TBPL2: variants seen among roughly 807,000 people sequenced by gnomAD.
TBPL2 encodes the protein TATA box-binding protein-like 2.
Under a neutral mutation model 38.2 loss-of-function variants are expected in TBPL2, and 40 were observed. The ratio of observed to expected loss-of-function variants is 1.05; its 90% CI spans 0.81 to 1.36. The LOEUF is 1.36. Among genes scored for constraint, TBPL2 ranks in the 40% most tolerant of loss-of-function variants. The probability of loss-of-function intolerance (pLI) is 0.00; values close to 1 mark genes in which losing one functional copy is unlikely to be tolerated. For missense variants in TBPL2, 461 were observed against 456.7 expected, an observed-to-expected ratio of 1.01 and a Z score of -0.09; for synonymous variants, 169 against 171.7, an observed-to-expected ratio of 0.98 and a Z score of 0.12.
At chr14:55,438,257 T>C (rs183326885) in intron 1 of TBPL2, among the ~76,000 whole-genome samples, 79 of 152,358 alleles carry the variant, frequency 5.2e-4, no homozygotes, top group Non-Finnish European at 1.0e-3. Flanking sequence ...TGGAGTGTTC[T>C]GTTACTACAA....
intron 5 of TBPL2, among the ~76,000 whole-genome samples, chr14:55,426,668 G>C (rs540610951): frequency 6.6e-6 from 1 of 151,196 alleles, no homozygotes; most frequent in Middle Eastern, 3.4e-3. Flanking sequence ...AATGAGACTA[G>C]AAATAGAAAG....
intron 6 of TBPL2, 84 bp from the exon 7 acceptor site, chr14:55,414,539 C>A: frequency 1.0e-6 from 1 of 991,022 alleles, no homozygotes; most frequent in South Asian, 1.7e-5. Context: ...TGTATTGTCT[C>A]CAATTACTTT....
At chr14:55,422,442 G>A (rs1441992660) in intron 6 of TBPL2, among the ~76,000 whole-genome samples, 1 of 152,108 alleles carries the variant, frequency 6.6e-6, no homozygotes, top group Non-Finnish European at 1.5e-5. Context: ...GTAGAGACAG[G>A]GTTTCACCAT....
At chr14:55,417,035 G>A (rs540592278) in intron 6 of TBPL2, among the ~76,000 whole-genome samples, 1 of 152,290 alleles carries the variant, frequency 6.6e-6, no homozygotes, top group South Asian at 2.1e-4. Context: ...ATACCATCTG[G>A]AGGCCCCTGG....
At chr14:55,424,200 A>G in exon 6 of TBPL2, 3 of 1,613,576 alleles carry the variant, frequency 1.9e-6, no homozygotes, top group Non-Finnish European at 2.5e-6. Context: ...AAGCAACACA[A>G]TTCGTGGTTT....
At chr14:55,422,810 G>A (rs570503417) in intron 6 of TBPL2, among the ~76,000 whole-genome samples, 6 of 152,166 alleles carry the variant, frequency 3.9e-5, no homozygotes, top group South Asian at 2.1e-4. Context: ...CTGAGATCGC[G>A]CCGCCATAGT....
intron 4 of TBPL2, among the ~76,000 whole-genome samples, chr14:55,430,573 T>C (rs910625737): frequency 6.6e-6 from 1 of 151,978 alleles, no homozygotes. Context: ...CTGCCTAAAT[T>C]TTTATAGAGA....
chr14:55,414,412 G>A, exon 7 of TBPL2: 2 of 1,609,118 alleles, frequency 1.2e-6, no homozygotes, highest in Non-Finnish European at 1.7e-6. Context: ...GAATAGGATA[G>A]ATGTTTTCAA....
At chr14:55,428,480 G>C (rs962452738) in intron 5 of TBPL2, among the ~76,000 whole-genome samples, 4 of 152,130 alleles carry the variant, frequency 2.6e-5, no homozygotes, top group Admixed American at 6.5e-5. Context: ...GTGGGCCTCT[G>C]ACCAGTAGCA....
At chr14:55,424,354 T>C in intron 5 of TBPL2, 101 bp from the exon 6 acceptor site, 2 of 687,440 alleles carry the variant, frequency 2.9e-6, no homozygotes, top group East Asian at 5.2e-5. Flanking sequence ...AAAGCAGTTG[T>C]AAATAAGTTA....
intron 5 of TBPL2, 22 bp downstream of exon 5, chr14:55,428,785 T>C (rs762290848): frequency 6.3e-7 from 1 of 1,599,332 alleles, no homozygotes. Context: ...AATTCAAAGT[T>C]CAAGCTATAT....
chr14:55,429,318 T>C (rs910913637), intron 4 of TBPL2, among the ~76,000 whole-genome samples: 1 of 152,238 alleles, frequency 6.6e-6, no homozygotes, highest in South Asian at 2.1e-4. Flanking sequence ...TGGGAACTTG[T>C]TAGAAATGCA....
intron 4 of TBPL2, among the ~76,000 whole-genome samples, chr14:55,429,349 G>C (rs188530783): frequency 1.3e-5 from 2 of 152,320 alleles, no homozygotes; most frequent in Admixed American, 6.5e-5. Context: ...TTCCACCTCA[G>C]ACATGCAGAA....
At chr14:55,432,531 A>G (rs1464688799) in intron 4 of TBPL2, among the ~76,000 whole-genome samples, 1 of 94,988 alleles carries the variant, frequency 1.1e-5, no homozygotes, top group Non-Finnish European at 1.8e-5. Flanking sequence ...ACAAAACAAA[A>G]ACAAAAGATA....
chr14:55,421,242 A>C (rs1358472429), intron 6 of TBPL2, among the ~76,000 whole-genome samples: 1 of 152,060 alleles, frequency 6.6e-6, no homozygotes, highest in Non-Finnish European at 1.5e-5. Flanking sequence ...AGGACTTGAA[A>C]GTGTGTTTCC....
intron 4 of TBPL2, among the ~76,000 whole-genome samples, chr14:55,432,770 C>T (rs1018123144): frequency 6.6e-6 from 1 of 152,192 alleles, no homozygotes; most frequent in Admixed American, 6.5e-5. Flanking sequence ...GAATTTGCTT[C>T]TTATCTTTTA....
At chr14:55,418,922 T>C (rs1276394650) in intron 6 of TBPL2, among the ~76,000 whole-genome samples, 6 of 152,206 alleles carry the variant, frequency 3.9e-5, no homozygotes, top group Admixed American at 2.0e-4. Context: ...CTATGGTCAC[T>C]TGCATTTTGC....
At chr14:55,438,738 C>A (rs1312342939) in intron 1 of TBPL2, 1 of 152,192 alleles carries the variant, frequency 6.6e-6, no homozygotes, top group Non-Finnish European at 1.5e-5. Context: ...GTAGCACGTT[C>A]ACTGCATCCT....
chr14:55,438,691 G>A (rs534206402), intron 1 of TBPL2: 1 of 152,042 alleles, frequency 6.6e-6, no homozygotes, highest in Non-Finnish European at 1.5e-5. Context: ...CTCCCTGCAG[G>A]GTCTGCCTGT....
Sources: gnomAD v4.1 joint callset for allele counts (sites outside exome capture counted in the v4.1 genomes callset) on GRCh38, gnomAD v4.1.1 for gene constraint, MANE v1.5 for transcripts, NCBI Gene and HGNC (gene_info 2026-07-23, HGNC 2026-07-21) for gene names.